The following R3HDM2 variants were observed in gnomAD, a reference collection of about 807,000 sequenced individuals.
The protein encoded by R3HDM2 is R3H domain-containing protein 2.
A neutral mutation model predicts 124.5 loss-of-function variants in R3HDM2; 38 were observed. That is an observed-to-expected ratio of 0.31 (90% CI 0.24 to 0.40). The LOEUF is 0.40. R3HDM2 is among the 10% of genes least tolerant of loss of function. The probability of loss-of-function intolerance (pLI) is 1.00; values close to 1 mark genes in which losing one functional copy is unlikely to be tolerated. For synonymous variants in R3HDM2, 391 were observed against 448.0 expected (o/e 0.87, Z 1.61); for missense variants, 869 against 1,236.9 (o/e 0.70, Z 4.46).
At chr12:57,321,371 C>A (rs941387195) in intron 2 of R3HDM2, among the ~76,000 whole-genome samples, 1 of 152,180 alleles carries the variant, frequency 6.6e-6, no homozygotes, top group Non-Finnish European at 1.5e-5. Flanking sequence ...ATGGATAGGG[C>A]CGGGCACAGT....
intron 2 of R3HDM2, among the ~76,000 whole-genome samples, chr12:57,327,217 A>G (rs930261659): frequency 6.6e-6 from 1 of 152,198 alleles, no homozygotes; most frequent in African/African-American, 2.4e-5. Context: ...CTGTAATCCC[A>G]GCACTTTGGG....
At chr12:57,299,518 T>A in intron 5 of R3HDM2, 40 bp from the exon 6 acceptor site, 1 of 1,522,318 alleles carries the variant, frequency 6.6e-7, no homozygotes, top group Non-Finnish European at 8.9e-7. Context: ...GAAAAAGATT[T>A]TAACTTTCTT....
chr12:57,281,205 T>G (rs2046034582), intron 13 of R3HDM2, among the ~76,000 whole-genome samples: 1 of 148,080 alleles, frequency 6.8e-6, no homozygotes, highest in South Asian at 2.1e-4. Flanking sequence ...GAGAATCGCT[T>G]GAACCCAGGA....
intron 2 of R3HDM2, among the ~76,000 whole-genome samples, chr12:57,334,489 T>G (rs1483025632): frequency 1.3e-5 from 2 of 151,994 alleles, no homozygotes; most frequent in Non-Finnish European, 2.9e-5. Context: ...TTTTTTTTTT[T>G]GAAATAAAGC....
At chr12:57,359,995 A>G (rs1310271139) in intron 2 of R3HDM2, among the ~76,000 whole-genome samples, 1 of 122,674 alleles carries the variant, frequency 8.2e-6, no homozygotes, top group Non-Finnish European at 1.8e-5. Flanking sequence ...TTTTCAGTAA[A>G]TAAATAAATA....
At chr12:57,303,976 A>C (rs999130151) in intron 3 of R3HDM2, among the ~76,000 whole-genome samples, 1 of 152,170 alleles carries the variant, frequency 6.6e-6, no homozygotes, top group Non-Finnish European at 1.5e-5. Context: ...TGTTCACAGA[A>C]GCCTATTTAA....
At chr12:57,326,997 A>AT (rs2057393269) in intron 2 of R3HDM2, among the ~76,000 whole-genome samples, 2 of 151,650 alleles carry the variant, frequency 1.3e-5, no homozygotes, top group African/African-American at 2.4e-5. Context: ...CAAAAAAAAA[A>AT]ATATTCCTTT....
intron 1 of R3HDM2, among the ~76,000 whole-genome samples, chr12:57,405,815 C>A (rs2068474639): frequency 6.6e-6 from 1 of 152,160 alleles, no homozygotes. Context: ...GATCTCTAAA[C>A]ATCATTTCTC....
At chr12:57,426,356 CA>C (rs578089273) in intron 1 of R3HDM2, among the ~76,000 whole-genome samples, 34 of 152,250 alleles carry the variant, frequency 2.2e-4, no homozygotes, top group African/African-American at 8.2e-4. Context: ...CCCCCAAAAT[CA>C]ATCTGTGAAA....
rs141798455 is a variant in R3HDM2, at chr12:57,261,130, G to GTA, written c.2132-2073_2132-2072dup. Reference sequence around the variant, plus strand: ...TGCATTTAACAACTCTCCCCTTACTGTAGTTTTGCTGGGTATTTTATTTCC... The same window carrying GTA: ...TGCATTTAACAACTCTCCCCTTACTGTATAGTTTTGCTGGGTATTTTATTTCC... On this transcript the variant is annotated intron_variant, in intron 19 of 23. Transcript: ENST00000402412. Among the ~76,000 whole-genome samples the GTA allele has an allele frequency of 1.7e-3, 257 of 152,284 alleles. 1 individual carries two copies. The East Asian group carries it at 0.037, about 22-fold the overall frequency.
intron 2 of R3HDM2, among the ~76,000 whole-genome samples, chr12:57,317,898 T>G (rs2055483755): frequency 6.7e-6 from 1 of 149,810 alleles, no homozygotes; most frequent in South Asian, 2.1e-4. Context: ...GAAAATCACT[T>G]GAACCTGGGA....
intron 14 of R3HDM2, among the ~76,000 whole-genome samples, chr12:57,276,316 C>G (rs1199074886): frequency 6.6e-6 from 1 of 151,822 alleles, no homozygotes; most frequent in Non-Finnish European, 1.5e-5. Context: ...AAAAAAGATA[C>G]TTGCATGTGC....
intron 12 of R3HDM2, among the ~76,000 whole-genome samples, chr12:57,288,252 C>T (rs2047815750): frequency 6.6e-6 from 1 of 151,992 alleles, no homozygotes; most frequent in Admixed American, 6.6e-5. Flanking sequence ...GATCCACCCA[C>T]CTCGGCCTCC....
intron 14 of R3HDM2, among the ~76,000 whole-genome samples, chr12:57,278,961 A>G (rs1031996599): frequency 7.2e-5 from 11 of 152,102 alleles, no homozygotes. Flanking sequence ...AAATATATCT[A>G]AGGCCAAGCT....
At chr12:57,320,169 G>A (rs550287237) in intron 2 of R3HDM2, among the ~76,000 whole-genome samples, 100 of 146,604 alleles carry the variant, frequency 6.8e-4, no homozygotes, top group African/African-American at 2.4e-3. Context: ...GCTGAAGCAG[G>A]AGAATCGCTT....
chr12:57,350,610 G>A (rs1272490752), intron 2 of R3HDM2, among the ~76,000 whole-genome samples: 3 of 152,090 alleles, frequency 2.0e-5, no homozygotes, highest in African/African-American at 4.8e-5. Context: ...TCCAGATGGG[G>A]CAACAGAGCA....
intron 2 of R3HDM2, among the ~76,000 whole-genome samples, chr12:57,391,057 A>G (rs551829685): frequency 6.6e-6 from 1 of 152,182 alleles, no homozygotes; most frequent in Non-Finnish European, 1.5e-5. Flanking sequence ...ATATCTAATT[A>G]CCATACCCCC....
chr12:57,430,497 A>ACCCCCCCC, intron 1 of R3HDM2: 1 of 381,594 alleles, frequency 2.6e-6, no homozygotes, highest in Non-Finnish European at 3.5e-6. Context: ...CTGCCCCCGC[A>ACCCCCCCC]CCGCCGCCCT....
intron 2 of R3HDM2, among the ~76,000 whole-genome samples, chr12:57,365,276 A>ATT (rs2062506420): frequency 1.1e-4 from 16 of 148,640 alleles, no homozygotes; most frequent in Admixed American, 1.3e-4. Flanking sequence ...AAAAAAAAGA[A>ATT]AAAAAAAAAA....
Sources: gnomAD v4.1 joint callset for allele counts (sites outside exome capture counted in the v4.1 genomes callset) on GRCh38, gnomAD v4.1.1 for gene constraint, MANE v1.5 for transcripts, NCBI Gene and HGNC (gene_info 2026-07-23, HGNC 2026-07-21) for gene names.